The following ZNF483 variants were observed in gnomAD, a reference collection of about 807,000 sequenced individuals.
ZNF483 encodes zinc finger protein HIT-10.
Under a neutral mutation model 28.6 loss-of-function variants are expected in ZNF483, and 9 were observed. That is an observed-to-expected ratio of 0.32 (90% CI 0.19 to 0.55). ZNF483 has a LOEUF of 0.55. ZNF483 is among the 20% of genes least tolerant of loss of function. ZNF483 has a pLI of 0.93. For missense variants in ZNF483, 675 were observed against 871.7 expected (o/e 0.77, Z 2.84); for synonymous variants, 322 against 306.2 (o/e 1.05, Z -0.54).
chr9:111,562,910 T>TAA, intron 5 of ZNF483: 1 of 1,336,382 alleles, frequency 7.5e-7, no homozygotes, highest in South Asian at 1.9e-5. Flanking sequence ...GAAGCTGTAG[T>TAA]GAACAGTGAG....
chr9:111,550,047 TTTG>T lies in ZNF483; in HGVS notation c.*6886_*6888del, dbSNP rs1170315498. 5.9e-5 allele frequency among the ~76,000 whole-genome samples: 9 copies of T among 152,140 alleles called. No individual in the cohort carries two copies. The highest frequency in any genetic ancestry group is 2.1e-4 in the South Asian group (1 of 4,832). On this transcript the variant is annotated 3_prime_UTR_variant, in exon 6 of 6. Transcript: ENST00000309235. Reference sequence around the variant, plus strand: ...ATTCCTTTTTCCCCAGGGTTTATTTTTTGTTGTTGTTTTTTGTGTTGTGTGTTT... The same window carrying T: ...ATTCCTTTTTCCCCAGGGTTTATTTTTTGTTGTTTTTTGTGTTGTGTGTTT...
At chr9:111,535,856 T>A (rs561851755) in intron 5 of ZNF483, among the ~76,000 whole-genome samples, 1 of 146,716 alleles carries the variant, frequency 6.8e-6, no homozygotes, top group Non-Finnish European at 1.5e-5. Flanking sequence ...GGATTAGGTT[T>A]TTTTATACTT....
intron 5 of ZNF483, chr9:111,570,283 C>T (rs1828753266): frequency 6.5e-7 from 1 of 1,526,760 alleles, no homozygotes; most frequent in South Asian, 1.3e-5. Flanking sequence ...GTACAGGTCA[C>T]TGTCACTGTG....
At chr9:111,538,206 T>A (rs965921845) in intron 5 of ZNF483, among the ~76,000 whole-genome samples, 1 of 151,904 alleles carries the variant, frequency 6.6e-6, no homozygotes, top group African/African-American at 2.4e-5. Context: ...AAAATTTTTC[T>A]AACATGTTTA....
intron 3 of ZNF483, among the ~76,000 whole-genome samples, chr9:111,531,399 C>CA (rs543289579): frequency 8.7e-4 from 133 of 152,052 alleles, no homozygotes; most frequent in African/African-American, 3.0e-3. Context: ...TTTCTTGAGA[C>CA]AGAGTTTTAC....
chr9:111,531,095 G>A (rs1827334294), intron 3 of ZNF483, 132 bp downstream of exon 3: 2 of 253,068 alleles, frequency 7.9e-6, no homozygotes, highest in Non-Finnish European at 1.6e-5. Flanking sequence ...TTGGGAGGCT[G>A]AGGCAGGAAG....
At position 111,527,251 on chromosome 9, in the gene ZNF483, A is replaced by G; in HGVS notation, c.-128-17A>G. 1 of 813,210 alleles carries G rather than the reference A, an allele frequency of 1.2e-6. No homozygotes were observed. Among genetic ancestry groups the G allele is most frequent in the Non-Finnish European group, 1.9e-6 (1 of 533,212 alleles). The allele number at this position is 813,210 out of a possible 1,614,324, so 50.4% of individuals were successfully genotyped here. On this transcript the variant is annotated splice_polypyrimidine_tract_variant and intron_variant, in intron 1 of 5. Transcript: ENST00000309235. ...GTTTTTTTACTTATTTAATGCCTTA[A>G]TATTTCTTCTTGACAGTTTCTGCAG... is the stretch of plus-strand genomic sequence containing the variant.
chr9:111,570,747 C>T (rs773842368), intron 5 of ZNF483, among the ~76,000 whole-genome samples: 12 of 152,104 alleles, frequency 7.9e-5, no homozygotes, highest in Middle Eastern at 3.4e-3. Context: ...CCACCGCACT[C>T]CAGTCTGGGT....
intron 5 of ZNF483, among the ~76,000 whole-genome samples, chr9:111,568,691 T>C (rs4486270): frequency 0.45 from 68,115 of 152,082 alleles, 18,334 homozygotes; most frequent in African/African-American, 0.75. Context: ...ACGGTCCTAC[T>C]GATATGTGGT....
chr9:111,534,263 T>C lies in ZNF483; in HGVS notation c.631T>C (p.Phe211Leu), dbSNP rs947179620. ...ENLRNLEFLD[F>L]PVSKLELISQ... ...TCTGTTCTTTTCTCTATGAGCAGAC[T>C]TTCCAGTTTCAAAATTAGAGTTGAT... The change falls in exon 5 of 6, where the codon TTT becomes CTT. Residue 211 changes from phenylalanine (F) to leucine (L), a missense_variant and splice_region_variant. By Grantham distance (22) the Phe-to-Leu change is conservative. Coordinates refer to ENST00000309235, the MANE Select transcript of ZNF483 (RefSeq NM_133464.5). The C allele has an allele frequency of 1.2e-6, 2 of 1,613,974 alleles. No individual in the cohort carries two copies. The highest frequency in any genetic ancestry group is 1.1e-5 in the South Asian group (1 of 91,068).
At position 111,539,521 on chromosome 9, in the gene ZNF483, T is replaced by A. The variant is rs1486018343; in HGVS notation, c.722-2136T>A. 1.3e-5 allele frequency: 6 copies of A among 452,090 alleles called. No homozygotes were observed. The East Asian group carries it at 4.2e-4, about 32-fold the overall frequency. The allele number at this position is 452,090 out of a possible 1,614,324, so 28.0% of individuals were successfully genotyped here. On this transcript the variant is annotated intron_variant, in intron 5 of 5. Transcript: ENST00000309235. ...GCTCATGCCTGTAATCCCAGCACTT[T>A]GGGAGGCCAAGGCAGGTGGATCACC...
At chr9:111,539,619 TG>T (rs989975566) in intron 5 of ZNF483, 1 of 323,090 alleles carries the variant, frequency 3.1e-6, no homozygotes, top group Non-Finnish European at 6.1e-6. Context: ...CAAAATTAGC[TG>T]GGCGTGGTGG....
chr9:111,576,594 C>T, exon 6 of ZNF483: 1 of 617,088 alleles, frequency 1.6e-6, no homozygotes, highest in East Asian at 2.9e-5. Flanking sequence ...TCTGAACCTC[C>T]TTTTGTCTTT....
rs1338843755 is a variant in ZNF483 at position 111,544,355 on chromosome 9, T to C, written c.*1185T>C. The C allele has an allele frequency of 7.1e-6, 7 of 981,792 alleles. No individual in the cohort carries two copies. The highest frequency in any genetic ancestry group is 8.5e-6 in the Non-Finnish European group (7 of 827,008). 60.8% of individuals were successfully genotyped at this position (981,792 alleles called of 1,614,324 possible). A position where few individuals can be genotyped will look rare whatever the true frequency, so the allele number is the denominator to read the frequency against. ...TTGCTTGGGTGTGTGTGCATGTGTG[T>C]GTGTGTGTGTGTGTGTGTATACATT... is the stretch of plus-strand genomic sequence containing the variant. On this transcript the variant is annotated 3_prime_UTR_variant, in exon 6 of 6. Transcript: ENST00000309235.
At chr9:111,530,778 T>TGTATATATATATATATATATATATAC (rs1827313684) in intron 2 of ZNF483, 97 bp from the exon 3 acceptor site, 1 of 51,882 alleles carries the variant, frequency 1.9e-5, no homozygotes, top group African/African-American at 1.0e-4. Flanking sequence ...TATATATATA[T>TGTATATATATATATATATATATATAC]ATATATATAT....
intron 5 of ZNF483, chr9:111,570,324 C>G: frequency 1.4e-6 from 2 of 1,441,988 alleles, no homozygotes; most frequent in Non-Finnish European, 1.8e-6. Flanking sequence ...GGTGCTTCTC[C>G]CCTTCCATTT....
chr9:111,541,515 C>T (rs1313218650), intron 5 of ZNF483, 142 bp from the exon 6 acceptor site: 1 of 612,572 alleles, frequency 1.6e-6, no homozygotes, highest in Non-Finnish European at 2.6e-6. Context: ...ATTGCCTTTT[C>T]CTTTTCTATT....
At chr9:111,560,209 G>A (rs1471501021), downstream of ZNF483, among the ~76,000 whole-genome samples, 1 of 151,952 alleles carries the variant, frequency 6.6e-6, no homozygotes, top group Admixed American at 6.6e-5. Context: ...GGCTGGGCAT[G>A]GTGGCTCACG....
chr9:111,547,695 G>A lies in ZNF483; in HGVS notation c.*4525G>A, dbSNP rs1351540846. ...TTCTTTTGTTTCCTGTGCTTTTCTG[G>A]TCATACCCAAGAAACCATGGCCAAA... On this transcript the variant is annotated 3_prime_UTR_variant, in exon 6 of 6. Transcript: ENST00000309235. Among the ~76,000 whole-genome samples, 3 of 151,796 alleles carry A rather than the reference G, an allele frequency of 2.0e-5. No individual in the cohort carries two copies. Among genetic ancestry groups the A allele is most frequent in the African/African-American group, 7.3e-5 (3 of 41,304 alleles).
Sources: gnomAD v4.1 joint callset for allele counts (sites outside exome capture counted in the v4.1 genomes callset) on GRCh38, gnomAD v4.1.1 for gene constraint, MANE v1.5 for transcripts, NCBI Gene and HGNC (gene_info 2026-07-23, HGNC 2026-07-21) for gene names.